Variants in CACNG5 observed in about 807,000 individuals in gnomAD.
CACNG5 encodes voltage-dependent calcium channel gamma-5 subunit.
Under a neutral mutation model 24.8 loss-of-function variants are expected in CACNG5, and 18 were observed. That is an observed-to-expected ratio of 0.73 (90% CI 0.50 to 1.08). CACNG5 has a LOEUF of 1.08. Ranked by LOEUF, CACNG5 falls within the 50% of genes least tolerant of loss-of-function variation. CACNG5 has a pLI of 0.00. For missense variants in CACNG5, 349 were observed against 367.9 expected (o/e 0.95, Z 0.42); for synonymous variants, 157 against 149.1 (o/e 1.05, Z -0.39).
At chr17:66,847,082 T>A (rs1275146631) in intron 1 of CACNG5, among the ~76,000 whole-genome samples, 1 of 152,232 alleles carries the variant, frequency 6.6e-6, no homozygotes, top group Non-Finnish European at 1.5e-5. Context: ...CACACTTAGC[T>A]ACCAACCTGT....
chr17:66,868,914 A>G (rs1009157010), intron 1 of CACNG5, among the ~76,000 whole-genome samples: 4 of 152,330 alleles, frequency 2.6e-5, no homozygotes, highest in Non-Finnish European at 5.9e-5. Context: ...GAAATTTGCC[A>G]GGGATGGAAA....
At chr17:66,852,440 A>C (rs970563227) in intron 1 of CACNG5, among the ~76,000 whole-genome samples, 1 of 152,194 alleles carries the variant, frequency 6.6e-6, no homozygotes, top group African/African-American at 2.4e-5. Flanking sequence ...ACCCTAATAG[A>C]AAATTGAAGC....
chr17:66,880,882 G>A (rs1405997517), intron 4 of CACNG5, among the ~76,000 whole-genome samples, 185 bp downstream of exon 4: 1 of 152,182 alleles, frequency 6.6e-6, no homozygotes, highest in African/African-American at 2.4e-5. Flanking sequence ...GAGATTACAG[G>A]TGCCTGCCAC....
At chr17:66,875,454 CT>C (rs1014731369) in intron 1 of CACNG5, among the ~76,000 whole-genome samples, 5 of 152,170 alleles carry the variant, frequency 3.3e-5, no homozygotes, top group African/African-American at 1.2e-4. Flanking sequence ...GATCAATCAA[CT>C]TTCCCATGAT....
At chr17:66,842,086 G>T (rs34596608) in intron 1 of CACNG5, among the ~76,000 whole-genome samples, 23,170 of 152,066 alleles carry the variant, frequency 0.15, 1,871 homozygotes, top group African/African-American at 0.22. Flanking sequence ...GGCTCTCTCC[G>T]GCCCCACTGC....
chr17:66,843,864 T>C (rs961215580), intron 1 of CACNG5, among the ~76,000 whole-genome samples: 4 of 151,594 alleles, frequency 2.6e-5, no homozygotes, highest in Admixed American at 6.6e-5. Flanking sequence ...TCACACTGGG[T>C]GCTCTCAAGC....
intron 1 of CACNG5, among the ~76,000 whole-genome samples, chr17:66,866,874 G>A (rs565386746): frequency 1.3e-5 from 2 of 152,268 alleles, no homozygotes; most frequent in South Asian, 4.2e-4. Flanking sequence ...TATCATTGAT[G>A]GGCATTTGAG....
At chr17:66,858,783 T>C (rs1976817384) in intron 1 of CACNG5, among the ~76,000 whole-genome samples, 1 of 151,330 alleles carries the variant, frequency 6.6e-6, no homozygotes, top group African/African-American at 2.4e-5. Context: ...CCTCTTATTC[T>C]GCCATCCAGT....
At chr17:66,848,814 G>T (rs2143040441) in intron 1 of CACNG5, among the ~76,000 whole-genome samples, 1 of 152,284 alleles carries the variant, frequency 6.6e-6, no homozygotes. Context: ...TTGACCTTGG[G>T]ATTAACAGTG....
At chr17:66,837,335 G>T (rs1409560929) in intron 1 of CACNG5, among the ~76,000 whole-genome samples, 1 of 152,206 alleles carries the variant, frequency 6.6e-6, no homozygotes, top group African/African-American at 2.4e-5. Flanking sequence ...AAAAAGTGAG[G>T]ATGGAGGATG....
chr17:66,847,703 C>A (rs757972345), intron 1 of CACNG5, among the ~76,000 whole-genome samples: 2 of 152,064 alleles, frequency 1.3e-5, no homozygotes, highest in Non-Finnish European at 2.9e-5. Flanking sequence ...CACCTTCCCC[C>A]AGTCATGGCC....
chr17:66,855,839 A>G (rs1976768898), intron 1 of CACNG5, among the ~76,000 whole-genome samples: 1 of 152,362 alleles, frequency 6.6e-6, no homozygotes, highest in Admixed American at 6.5e-5. Flanking sequence ...AAACTGAAGT[A>G]GAAAGGATAG....
At chr17:66,840,717 C>A (rs564160429) in intron 1 of CACNG5, among the ~76,000 whole-genome samples, 4 of 152,308 alleles carry the variant, frequency 2.6e-5, no homozygotes, top group African/African-American at 9.6e-5. Context: ...ACTGTCAAAC[C>A]CCTCTGCTCC....
chr17:66,881,799 G>A (rs1189754660), intron 4 of CACNG5, among the ~76,000 whole-genome samples: 1 of 151,930 alleles, frequency 6.6e-6, no homozygotes, highest in African/African-American at 2.4e-5. Context: ...AGGCAAAGAA[G>A]TGAGGTTGGG....
chr17:66,877,665 G>A (rs1977103186), intron 2 of CACNG5, 137 bp downstream of exon 2: 1 of 713,180 alleles, frequency 1.4e-6, no homozygotes, highest in Non-Finnish European at 2.3e-6. Flanking sequence ...ATGGCGGGTG[G>A]TGCTCCCTGC....
At chr17:66,849,207 C>A (rs1976678004) in intron 1 of CACNG5, among the ~76,000 whole-genome samples, 1 of 152,154 alleles carries the variant, frequency 6.6e-6, no homozygotes, top group African/African-American at 2.4e-5. Flanking sequence ...TTCCTCCACC[C>A]CCTCTTCCCT....
chr17:66,846,710 A>G (rs148980270), intron 1 of CACNG5, among the ~76,000 whole-genome samples: 2 of 152,198 alleles, frequency 1.3e-5, no homozygotes, highest in Non-Finnish European at 2.9e-5. Context: ...GGACTTATGA[A>G]TAATGCTGTG....
chr17:66,852,881 CTCTT>C (rs1457889145), intron 1 of CACNG5, among the ~76,000 whole-genome samples: 1 of 144,830 alleles, frequency 6.9e-6, no homozygotes, highest in Non-Finnish European at 1.5e-5. Flanking sequence ...CTCTTTCTCT[CTCTT>C]TTTCTCTTTC....
rs917637025 is a variant in CACNG5 at position 66,894,039 on chromosome 17, C to A, written c.*8799C>A. On this transcript the variant is annotated 3_prime_UTR_variant, in exon 6 of 6. Transcript: ENST00000533854. ...GCCAGGCTAGAAATCCAAAGTCCAG[C>A]GGTGTAGGTGCCAGGGTTCTTGACA... Among the ~76,000 whole-genome samples the A allele has an allele frequency of 6.6e-6, 1 of 152,116 alleles. No homozygotes were observed. The highest frequency in any genetic ancestry group is 6.5e-5 in the Admixed American group (1 of 15,278).
Sources: allele counts gnomAD v4.1 joint callset (sites outside exome capture counted in the v4.1 genomes callset), GRCh38; gene constraint gnomAD v4.1.1; transcripts MANE v1.5; gene names NCBI Gene and HGNC (gene_info 2026-07-23, HGNC 2026-07-21).